The following ECM2 variants were observed in gnomAD, a reference collection of about 807,000 sequenced individuals.
The protein encoded by ECM2 is extracellular matrix protein 2.
ECM2 carries 57 observed loss-of-function variants against 67.5 expected under a neutral mutation model. The ratio of observed to expected loss-of-function variants is 0.84; its 90% CI spans 0.68 to 1.05. The LOEUF is 1.05. Among genes scored for constraint, ECM2 ranks in the 50% least tolerant of loss-of-function variants. The probability of loss-of-function intolerance (pLI) is 0.00; values close to 1 mark genes in which losing one functional copy is unlikely to be tolerated. For missense variants in ECM2, 741 were observed against 822.8 expected (o/e 0.90, Z 1.22); for synonymous variants, 258 against 294.5 (o/e 0.88, Z 1.27).
At chr9:92,519,245 T>C (rs914841586) in intron 2 of ECM2, among the ~76,000 whole-genome samples, 1 of 152,224 alleles carries the variant, frequency 6.6e-6, no homozygotes, top group African/African-American at 2.4e-5. Flanking sequence ...TATGAGTTTC[T>C]TCCAGGTTAT....
intron 1 of ECM2, among the ~76,000 whole-genome samples, chr9:92,534,863 G>A (rs1289791165): frequency 6.6e-6 from 1 of 152,156 alleles, no homozygotes; most frequent in Non-Finnish European, 1.5e-5. Flanking sequence ...ATTAACAATT[G>A]TATGTGCAGA....
the ECM2 span, among the ~76,000 whole-genome samples, chr9:92,547,488 A>G: frequency 2.0e-5 from 3 of 152,280 alleles, no homozygotes; most frequent in Admixed American, 6.5e-5. Flanking sequence ...GGAATGTCAT[A>G]CTGACACATG....
At chr9:92,533,501 G>T (rs900012482) in intron 1 of ECM2, among the ~76,000 whole-genome samples, 7 of 150,846 alleles carry the variant, frequency 4.6e-5, no homozygotes, top group African/African-American at 1.7e-4. Flanking sequence ...GAATCCAGAT[G>T]CTTCTAGAAG....
chr9:92,555,743 T>C, the ECM2 span, among the ~76,000 whole-genome samples: 3 of 152,334 alleles, frequency 2.0e-5, no homozygotes, highest in Admixed American at 6.5e-5. Context: ...ATATCTCCTG[T>C]TTTGTTTCTT....
the ECM2 span, among the ~76,000 whole-genome samples, chr9:92,555,546 T>C: frequency 1.3e-5 from 2 of 152,148 alleles, no homozygotes; most frequent in African/African-American, 4.8e-5. Context: ...TTTTAATTAC[T>C]ATTTCAGTCT....
the ECM2 span, among the ~76,000 whole-genome samples, chr9:92,550,546 G>T: frequency 3.4e-5 from 5 of 148,024 alleles, no homozygotes; most frequent in African/African-American, 1.2e-4. Flanking sequence ...TCTTAGACCT[G>T]TTTTTTTTTT....
chr9:92,505,742 A>AT, intron 6 of ECM2, 52 bp from the exon 7 acceptor site: 1 of 1,427,098 alleles, frequency 7.0e-7, no homozygotes, highest in Non-Finnish European at 9.4e-7. Context: ...AACCATGCAA[A>AT]TTTTTGTAGC....
Position 92,499,722 on chromosome 9 carries a change from C to T in ECM2, c.1931+1005G>A, listed in dbSNP as rs116127910. 7.6e-4 allele frequency among the ~76,000 whole-genome samples: 116 copies of T among 152,284 alleles called. 1 individual carries two copies. Among genetic ancestry groups the T allele is most frequent in the African/African-American group, 2.7e-3 (112 of 41,558 alleles). ...TCTTCCTCCAGTACCTTTAAAAACA[C>T]GAACTTTTCTGTGTTTTTGTTTTGT... On this transcript the variant is annotated intron_variant, in intron 9 of 9. Coordinates refer to ENST00000344604, the MANE Select transcript of ECM2 (RefSeq NM_001393.4).
chr9:92,540,146 G>A (rs1295826369), upstream of ECM2, among the ~76,000 whole-genome samples: 3 of 152,182 alleles, frequency 2.0e-5, no homozygotes, highest in African/African-American at 7.2e-5. Flanking sequence ...AAGTAAGAAA[G>A]AAATGAGATC....
chr9:92,518,441 T>A (rs1294883956), intron 2 of ECM2, among the ~76,000 whole-genome samples: 1 of 152,198 alleles, frequency 6.6e-6, no homozygotes, highest in Non-Finnish European at 1.5e-5. Context: ...GAGCTAGCAC[T>A]AATGATGAGC....
At chr9:92,542,601 C>T in the ECM2 span, among the ~76,000 whole-genome samples, 1,667 of 152,080 alleles carry the variant, frequency 0.011, 25 homozygotes, top group African/African-American at 0.037. Context: ...ACTGCAATCT[C>T]TGCCTCCCGG....
At chr9:92,544,019 TTTTA>T in the ECM2 span, among the ~76,000 whole-genome samples, 1 of 152,204 alleles carries the variant, frequency 6.6e-6, no homozygotes, top group Non-Finnish European at 1.5e-5. Context: ...TTTAGATATT[TTTTA>T]TTTCTTTCTC....
the ECM2 span, among the ~76,000 whole-genome samples, chr9:92,553,123 A>G: frequency 6.6e-6 from 1 of 152,066 alleles, no homozygotes; most frequent in African/African-American, 2.4e-5. Context: ...TTATTCTCCT[A>G]CACGTGGCTA....
chr9:92,530,442 A>C (rs755203429), intron 1 of ECM2, among the ~76,000 whole-genome samples: 2 of 152,228 alleles, frequency 1.3e-5, no homozygotes, highest in African/African-American at 2.4e-5. Context: ...TAGTCATTTT[A>C]TGCCAATAAA....
chr9:92,551,619 T>A, the ECM2 span, among the ~76,000 whole-genome samples: 2 of 152,030 alleles, frequency 1.3e-5, no homozygotes, highest in Non-Finnish European at 2.9e-5. Flanking sequence ...GGTGTACCCA[T>A]CACCCAAGCA....
chr9:92,542,119 G>A, the ECM2 span, among the ~76,000 whole-genome samples: 1 of 152,044 alleles, frequency 6.6e-6, no homozygotes, highest in South Asian at 2.1e-4. Context: ...TGAGATTAGT[G>A]GGATTGTTAG....
chr9:92,536,109 T>C, upstream of ECM2: 3 of 438,760 alleles, frequency 6.8e-6, no homozygotes, highest in Admixed American at 6.4e-5. Flanking sequence ...ATAAATGCCT[T>C]TCAGTTCTTT....
chr9:92,508,993 A>G (rs1847176138), intron 6 of ECM2, among the ~76,000 whole-genome samples: 1 of 152,076 alleles, frequency 6.6e-6, no homozygotes, highest in African/African-American at 2.4e-5. Flanking sequence ...ACACAGTACA[A>G]TCAAAGGCAT....
intron 1 of ECM2, among the ~76,000 whole-genome samples, chr9:92,528,563 C>CA (rs765626420): frequency 4.1e-5 from 6 of 145,434 alleles, no homozygotes; most frequent in Non-Finnish European, 6.0e-5. Flanking sequence ...CAAAACAAAA[C>CA]AAAAAAAACA....
Sources: gnomAD v4.1 joint callset for allele counts (sites outside exome capture counted in the v4.1 genomes callset) on GRCh38, gnomAD v4.1.1 for gene constraint, MANE v1.5 for transcripts, NCBI Gene and HGNC (gene_info 2026-07-23, HGNC 2026-07-21) for gene names.